The following AKAP1 variants were observed in gnomAD, a reference collection of about 807,000 sequenced individuals.
The protein encoded by AKAP1 is A-kinase anchoring protein 1.
A neutral mutation model predicts 79.8 loss-of-function variants in AKAP1; 32 were observed. The observed-to-expected ratio is 0.40, with a 90% CI of 0.30 to 0.54. AKAP1 has a LOEUF of 0.54. AKAP1 is among the 20% of genes least tolerant of loss of function. AKAP1 has a pLI of 0.47. For missense variants in AKAP1, 961 were observed against 1,138.9 expected (o/e 0.84, Z 2.25); for synonymous variants, 416 against 466.7 (o/e 0.89, Z 1.40).
chr17:57,105,981 A>C lies in AKAP1; in HGVS notation c.517A>C (p.Arg173=). Residue 173 remains arginine, a synonymous_variant, in exon 2 of 11, where the codon AGG becomes CGG. Transcript: ENST00000337714. ...EVCKQDSPFS[R]VPRKVQPGYP... is the part of the protein sequence containing the mutation. ...GTGTAAGCAAGATTCCCCCTTCAGC[A>C]GGGTGCCAAGGAAGGTCCAGCCAGG... 6.2e-7 allele frequency: 1 copy of C among 1,614,204 alleles called. No individual in the cohort carries two copies.
chr17:57,114,528 G>A lies in AKAP1; in HGVS notation c.2173G>A (p.Val725Met), dbSNP rs777139688. The A allele has an allele frequency of 5.0e-6, 8 of 1,614,164 alleles. No individual in the cohort carries two copies. The highest frequency in any genetic ancestry group is 1.1e-5 in the South Asian group (1 of 91,086). Residue 725 changes from valine to methionine, a missense_variant, in exon 6 of 11, where the codon GTG (valine) becomes ATG (methionine). This residue lies in a region of AKAP1 where 629 missense variants were observed against 781.1 expected (regional missense o/e 0.81). Transcript: ENST00000337714. The stretch of plus-strand genomic sequence containing the variant: ...CCAGGTCAATGCCGGGCACCTGTTC[G>A]TGCAGCAGCACACACACCCTACCTT... Reference protein sequence around the residue: ...VNQVNAGHLFVQQHTHPTFHA... With the variant: ...VNQVNAGHLFMQQHTHPTFHA...
rs745847834 is a variant in AKAP1 at position 57,112,303 on chromosome 17, G to A, written c.1976-188G>A. The stretch of plus-strand genomic sequence containing the variant: ...ATTGAAAGCATGGATCATAATGGCA[G>A]AGGTATCATTTGAAAGGCTTAGATG... On this transcript the variant is annotated intron_variant, in intron 4 of 10. Coordinates refer to ENST00000337714, the MANE Select transcript of AKAP1 (RefSeq NM_003488.4). 2.9e-4 allele frequency among the ~76,000 whole-genome samples: 44 copies of A among 152,208 alleles called. 3 individuals are homozygous for A. Among genetic ancestry groups the A allele is most frequent in the Admixed American group, 1.3e-4 (2 of 15,276 alleles).
intron 6 of AKAP1, 78 bp downstream of exon 6, chr17:57,114,714 G>A: frequency 7.1e-7 from 1 of 1,403,608 alleles, no homozygotes; most frequent in Non-Finnish European, 9.8e-7. Flanking sequence ...TCAGGAGGAG[G>A]CTGTTCTGCG....
chr17:57,106,621 A>AAGAG lies in AKAP1; in HGVS notation c.1160_1163dup (p.Ser388ArgfsTer65). On this transcript the variant is annotated frameshift_variant, in exon 2 of 11. Transcript: ENST00000337714. LOFTEE classifies it high-confidence loss of function. ...GCCAGTCAGCTCCAAGGGCAGAAGG[A>AAGAG]AGAGAGCTGTGTCCCAGTTCACCAG... is the stretch of plus-strand genomic sequence containing the variant. 1 of 1,614,144 alleles carries AAGAG rather than the reference A, an allele frequency of 6.2e-7. No homozygotes were observed. The highest frequency in any genetic ancestry group is 8.5e-7 in the Non-Finnish European group (1 of 1,180,022).
intron 1 of AKAP1, chr17:57,092,996 GTGTTCCA>G (rs1171286865): frequency 1.3e-5 from 2 of 152,520 alleles, no homozygotes; most frequent in African/African-American, 2.4e-5. Context: ...CAGTTCTCAA[GTGTTCCA>G]GTTCTGATGC....
chr17:57,105,321 AG>A (rs1246581025), intron 1 of AKAP1, 119 bp from the exon 2 acceptor site: 1 of 935,808 alleles, frequency 1.1e-6, no homozygotes, highest in African/African-American at 1.6e-5. Context: ...CTTGGAGGGC[AG>A]GGAAGGCGGA....
intron 8 of AKAP1, 116 bp from the exon 9 acceptor site, chr17:57,118,265 C>G (rs1915708276): frequency 5.3e-6 from 5 of 947,012 alleles, no homozygotes; most frequent in Non-Finnish European, 8.3e-6. Flanking sequence ...GTGCAGTTCT[C>G]AAGTTCCACA....
At chr17:57,104,610 G>A (rs953285745) in intron 1 of AKAP1, among the ~76,000 whole-genome samples, 1 of 152,252 alleles carries the variant, frequency 6.6e-6, no homozygotes, top group African/African-American at 2.4e-5. Context: ...CTAGCAACAC[G>A]ATCCACTCTG....
chr17:57,108,031 C>A, intron 2 of AKAP1: 1 of 1,246,780 alleles, frequency 8.0e-7, no homozygotes. Context: ...GTAGACAGTT[C>A]AGACCGCTAA....
At chr17:57,097,322 A>AT (rs1180288254) in intron 1 of AKAP1, among the ~76,000 whole-genome samples, 5 of 152,190 alleles carry the variant, frequency 3.3e-5, no homozygotes, top group African/African-American at 7.2e-5. Flanking sequence ...AGTGAGAGAG[A>AT]TTGATTCTTC....
At chr17:57,118,102 T>C (rs1250099919) in intron 8 of AKAP1, among the ~76,000 whole-genome samples, 1 of 152,092 alleles carries the variant, frequency 6.6e-6, no homozygotes, top group Non-Finnish European at 1.5e-5. Context: ...GTGCTGCTGC[T>C]GGTGGTATTG....
rs537097941 is a variant in AKAP1 at position 57,105,692 on chromosome 17, G to A, written c.228G>A (p.Glu76=). The change falls in exon 2 of 11, where the codon GAG becomes GAA. Residue 76 remains glutamate (E), a synonymous_variant. Transcript: ENST00000337714. ...TGTCCACACCCCCCAGTGTCACAGA[G>A]CCTCCAGAAAAGGAACTGTCCACCG... The part of the protein sequence containing the change: ...KVVSTPPSVT[E]PPEKELSTVS... 1.4e-5 allele frequency: 23 copies of A among 1,614,134 alleles called. No individual in the cohort carries two copies. In the East Asian group the frequency reaches 4.9e-4, roughly 34 times the overall value.
intron 1 of AKAP1, among the ~76,000 whole-genome samples, chr17:57,100,429 A>ACACACACACACACACACG (rs1555619990): frequency 2.7e-5 from 1 of 37,354 alleles, no homozygotes; most frequent in Non-Finnish European, 5.0e-5. Context: ...CTCTGCTAAA[A>ACACACACACACACACACG]CACACACACA....
intron 1 of AKAP1, chr17:57,092,768 G>T (rs1432934242): frequency 3.3e-5 from 5 of 152,174 alleles, no homozygotes; most frequent in Admixed American, 6.5e-5. Context: ...AAGTTTGGTG[G>T]ACCGTGTCCC....
chr17:57,091,062 C>T (rs974615908), intron 1 of AKAP1, among the ~76,000 whole-genome samples: 5 of 152,172 alleles, frequency 3.3e-5, no homozygotes, highest in Non-Finnish European at 7.3e-5. Context: ...GAGGTTGGGT[C>T]GATGACAGAT....
At chr17:57,088,613 A>T (rs1913598473) in intron 1 of AKAP1, among the ~76,000 whole-genome samples, 2 of 152,118 alleles carry the variant, frequency 1.3e-5, no homozygotes, top group Middle Eastern at 3.2e-3. Context: ...TGTGAGAAGA[A>T]CCAAGGAATA....
intron 6 of AKAP1, 144 bp from the exon 7 acceptor site, chr17:57,115,966 TG>T: frequency 1.0e-6 from 1 of 965,618 alleles, no homozygotes; most frequent in East Asian, 2.7e-5. Flanking sequence ...AGGCTTTGCT[TG>T]GGGCCGGTTG....
At chr17:57,112,986 A>G (rs73991776) in intron 5 of AKAP1, among the ~76,000 whole-genome samples, 3,022 of 152,308 alleles carry the variant, frequency 0.02, 89 homozygotes, top group African/African-American at 0.069. Flanking sequence ...GGGTGGGACT[A>G]GAATCATGGG....
chr17:57,114,907 T>C (rs1915486167), intron 6 of AKAP1, among the ~76,000 whole-genome samples: 2 of 151,882 alleles, frequency 1.3e-5, no homozygotes, highest in African/African-American at 4.8e-5. Context: ...TTTTTCTTTT[T>C]TTTTTCCCTC....
Sources: gnomAD v4.1 joint callset for allele counts (sites outside exome capture counted in the v4.1 genomes callset) on GRCh38, gnomAD v4.1.1 for gene constraint, gnomAD v4.1.1 regional missense constraint, MANE v1.5 for transcripts, NCBI Gene and HGNC (gene_info 2026-07-23, HGNC 2026-07-21) for gene names.